The following METTL27 variants were observed in gnomAD, a reference collection of about 807,000 sequenced individuals.
METTL27 encodes methyltransferase-like protein 27.
A neutral mutation model predicts 24.5 loss-of-function variants in METTL27; 29 were observed. The ratio of observed to expected loss-of-function variants is 1.18; its 90% CI spans 0.88 to 1.61. METTL27 has a LOEUF of 1.61. METTL27 is among the 40% of genes most tolerant of loss of function. The pLI is 0.00. For synonymous variants in METTL27, 138 were observed against 146.8 expected (o/e 0.94, Z 0.43); for missense variants, 341 against 324.3 (o/e 1.05, Z -0.40).
chr7:73,838,569 C>T (rs1251788992), intron 5 of METTL27, among the ~76,000 whole-genome samples: 2 of 152,072 alleles, frequency 1.3e-5, no homozygotes, highest in East Asian at 3.9e-4. Flanking sequence ...GAAGGGAGCG[C>T]AGTGAGAGGA....
intron 1 of METTL27, 67 bp downstream of exon 1, chr7:73,842,423 G>C: frequency 2.4e-6 from 1 of 415,492 alleles, no homozygotes; most frequent in South Asian, 3.6e-5. Flanking sequence ...CTCCGACTGA[G>C]AGAGGGTCGG....
At chr7:73,840,600 G>A in intron 3 of METTL27, 51 bp from the exon 4 acceptor site, 1 of 1,527,126 alleles carries the variant, frequency 6.5e-7, no homozygotes, top group Non-Finnish European at 8.8e-7. Flanking sequence ...CCACTTCCCG[G>A]CTGGGTCCCT....
chr7:73,835,742 GGCC>G (rs1788156071), intron 5 of METTL27, among the ~76,000 whole-genome samples: 1 of 87,638 alleles, frequency 1.1e-5, no homozygotes, highest in Non-Finnish European at 2.8e-5. Flanking sequence ...GTCTCCGCCC[GGCC>G]GCCATCCGAC....
Position 73,840,114 on chromosome 7 carries a change from A to G in METTL27, c.395T>C (p.Phe132Ser). The change falls in exon 5 of 6, where the codon TTC becomes TCC. Residue 132 changes from phenylalanine (F) to serine (S), a missense_variant. By Grantham distance (155) the Phe-to-Ser change is radical. Transcript: ENST00000297873. ...QEPLPSPEGTFDAVLIVGALS... is the reference protein window; with the variant it reads ...QEPLPSPEGTSDAVLIVGALS... ...GGCACCGACTATCAGCACCGCGTCG[A>G]AGGTCCCTGTGTGTGTGTGGGGGGG... 2.8e-6 allele frequency: 4 copies of G among 1,410,258 alleles called. No homozygotes were observed. Among genetic ancestry groups the G allele is most frequent in the Non-Finnish European group, 3.8e-6 (4 of 1,054,268 alleles). The allele number at this position is 1,410,258 out of a possible 1,614,324, so 87.4% of individuals were successfully genotyped here.
intron 5 of METTL27, among the ~76,000 whole-genome samples, chr7:73,835,449 A>C (rs1220821933): frequency 2.1e-5 from 3 of 143,868 alleles, no homozygotes; most frequent in East Asian, 2.0e-4. Context: ...CCCTAACCGC[A>C]CGTGATCCAC....
Position 73,842,036 on chromosome 7 carries a change from C to A in METTL27, c.105G>T (p.Trp35Cys), listed in dbSNP as rs1554636553. Residue 35 changes from tryptophan to cysteine, a missense_variant, in exon 2 of 6, where the codon TGG becomes TGT. Coordinates refer to ENST00000297873, the MANE Select transcript of METTL27 (RefSeq NM_152559.3). ...LAQKLHFYDR[W>C]APDYDQDVAT... ...AGTTTACCTGGTCGTAGTCCGGAGC[C>A]CAGCGGTCATAGAAATGGAGCTTTT... The A allele has an allele frequency of 6.2e-7, 1 of 1,614,150 alleles. No individual in the cohort carries two copies. The highest frequency in any genetic ancestry group is 1.7e-5 in the Admixed American group (1 of 60,020).
intron 1 of METTL27, 83 bp downstream of exon 1, chr7:73,842,407 T>C (rs2130564600): frequency 2.2e-6 from 1 of 445,988 alleles, no homozygotes; most frequent in Non-Finnish European, 3.9e-6. Context: ...CTTCCTCTTT[T>C]CCGCCCTCCG....
chr7:73,838,730 G>A (rs1207680476), intron 5 of METTL27, among the ~76,000 whole-genome samples: 1 of 152,176 alleles, frequency 6.6e-6, no homozygotes, highest in Non-Finnish European at 1.5e-5. Context: ...GACCTTTCCA[G>A]CTGACCCCAT....
intron 2 of METTL27, 29 bp downstream of exon 2, chr7:73,841,989 A>G (rs781808171): frequency 9.3e-6 from 15 of 1,613,816 alleles, no homozygotes; most frequent in East Asian, 2.2e-5. Context: ...AGGCTGGTCT[A>G]GTGGAGGCAA....
chr7:73,842,022 T>A lies in METTL27; in HGVS notation c.119A>T (p.Asp40Val), dbSNP rs1554636544. The change falls in exon 2 of 6, where the codon GAC (aspartate) becomes GTC (valine). Residue 40 changes from aspartate to valine, a missense_variant. Coordinates refer to ENST00000297873, the MANE Select transcript of METTL27 (RefSeq NM_152559.3). ...HFYDRWAPDY[D>V]QDVATLLYRA... ...CAAGGCCCCAAATGAGTTTACCTGG[T>A]CGTAGTCCGGAGCCCAGCGGTCATA... 5 of 1,614,132 alleles carry A rather than the reference T, an allele frequency of 3.1e-6. 1 individual carries two copies. In the Admixed American group the frequency reaches 8.3e-5, roughly 27 times the overall value.
intron 5 of METTL27, among the ~76,000 whole-genome samples, chr7:73,836,004 CCCCT>C (rs1788173192): frequency 9.5e-6 from 1 of 104,780 alleles, no homozygotes. Flanking sequence ...AAGTGAGGAG[CCCCT>C]CCGCCCGGCA....
At chr7:73,836,083 G>A (rs1237378963) in intron 5 of METTL27, among the ~76,000 whole-genome samples, 2 of 152,004 alleles carry the variant, frequency 1.3e-5, no homozygotes, top group African/African-American at 4.8e-5. Flanking sequence ...GAGGGAGGTG[G>A]GGGGGTCAGC....
chr7:73,841,916 C>G, intron 2 of METTL27, 102 bp downstream of exon 2: 2 of 1,586,350 alleles, frequency 1.3e-6, no homozygotes, highest in South Asian at 2.3e-5. Context: ...CCAGGCCTCA[C>G]TTCGTCCTCA....
At chr7:73,838,907 T>A (rs993546817) in intron 5 of METTL27, among the ~76,000 whole-genome samples, 1 of 152,184 alleles carries the variant, frequency 6.6e-6, no homozygotes, top group Non-Finnish European at 1.5e-5. Context: ...CTCGTTCTCA[T>A]GCTCAGCCCC....
intron 5 of METTL27, among the ~76,000 whole-genome samples, chr7:73,837,679 T>C (rs1192148398): frequency 6.6e-6 from 1 of 152,108 alleles, no homozygotes; most frequent in Non-Finnish European, 1.5e-5. Flanking sequence ...TTCTCCTGTC[T>C]CAGCCTCCCT....
At chr7:73,837,172 G>T (rs1399219010) in intron 5 of METTL27, among the ~76,000 whole-genome samples, 3 of 142,914 alleles carry the variant, frequency 2.1e-5, no homozygotes, top group Non-Finnish European at 4.6e-5. Context: ...CTCTGCCTAG[G>T]AAAACCAGAG....
chr7:73,835,375 C>T (rs1406842290), intron 5 of METTL27, among the ~76,000 whole-genome samples: 2 of 144,660 alleles, frequency 1.4e-5, no homozygotes, highest in Non-Finnish European at 3.0e-5. Context: ...AGACTCGCGC[C>T]GCCACGCCTG....
At chr7:73,837,301 ATAAAT>A (rs1369854672) in intron 5 of METTL27, among the ~76,000 whole-genome samples, 1 of 93,598 alleles carries the variant, frequency 1.1e-5, no homozygotes, top group African/African-American at 3.3e-5. Context: ...AAATAAATAA[ATAAAT>A]TTAAAAAAAA....
chr7:73,836,385 C>A (rs1554635258), intron 5 of METTL27, among the ~76,000 whole-genome samples: 1 of 145,272 alleles, frequency 6.9e-6, no homozygotes, highest in Non-Finnish European at 1.5e-5. Flanking sequence ...CGGCCAGCCG[C>A]CCAGTCCGGG....
Sources: allele counts gnomAD v4.1 joint callset (sites outside exome capture counted in the v4.1 genomes callset), GRCh38; gene constraint gnomAD v4.1.1; transcripts MANE v1.5; gene names NCBI Gene and HGNC (gene_info 2026-07-23, HGNC 2026-07-21).